XKR9: variants seen among roughly 807,000 people sequenced by gnomAD.
XKR9 encodes the protein XK-related protein 9.
XKR9 carries 32 observed loss-of-function variants against 32.0 expected under a neutral mutation model. The observed-to-expected ratio is 1.00, with a 90% confidence interval of 0.76 to 1.34. XKR9 has a LOEUF of 1.34. Among genes scored for constraint, XKR9 ranks in the 40% most tolerant of loss-of-function variants. XKR9 has a pLI of 0.00. For synonymous variants in XKR9, 168 were observed against 143.4 expected (o/e 1.17, Z -1.22); for missense variants, 546 against 429.7 (o/e 1.27, Z -2.39).
intron 3 of XKR9, among the ~76,000 whole-genome samples, chr8:70,692,495 C>T (rs926640401): frequency 1.3e-5 from 2 of 151,882 alleles, no homozygotes; most frequent in Non-Finnish European, 2.9e-5. Context: ...TTGTCTTGTA[C>T]GAGTTTTCAA....
chr8:70,793,838 A>G (rs1259212876), downstream of XKR9, among the ~76,000 whole-genome samples: 8 of 151,930 alleles, frequency 5.3e-5, no homozygotes, highest in Admixed American at 4.6e-4. Context: ...CCTGTTTTGG[A>G]ACTCCTATAA....
At chr8:70,709,761 A>G (rs1563439487) in intron 4 of XKR9, among the ~76,000 whole-genome samples, 1 of 152,192 alleles carries the variant, frequency 6.6e-6, no homozygotes, top group Non-Finnish European at 1.5e-5. Context: ...AAAGATCTGT[A>G]CAATGAGAAT....
the XKR9 span, among the ~76,000 whole-genome samples, chr8:70,958,184 T>G: frequency 6.6e-6 from 1 of 152,194 alleles, no homozygotes; most frequent in Admixed American, 6.5e-5. Context: ...AGCTTTGTAA[T>G]AGAATGATTT....
At chr8:70,874,190 T>A in the XKR9 span, among the ~76,000 whole-genome samples, 220 of 152,342 alleles carry the variant, frequency 1.4e-3, 1 homozygote, top group African/African-American at 5.1e-3. Context: ...ACTTACTTTA[T>A]TGTGATATTT....
chr8:70,953,721 T>G, the XKR9 span, among the ~76,000 whole-genome samples: 1 of 152,198 alleles, frequency 6.6e-6, no homozygotes, highest in Non-Finnish European at 1.5e-5. Context: ...GAGCCCTACC[T>G]CTTCTTCAAC....
chr8:70,736,546 C>T (rs1175133810), downstream of XKR9, among the ~76,000 whole-genome samples: 1 of 152,138 alleles, frequency 6.6e-6, no homozygotes, highest in Admixed American at 6.5e-5. Context: ...TGTGCCCATG[C>T]CTATGTCCTG....
the XKR9 span, among the ~76,000 whole-genome samples, chr8:70,857,007 C>T: frequency 6.6e-6 from 1 of 152,046 alleles, no homozygotes; most frequent in South Asian, 2.1e-4. Flanking sequence ...ACTAAATGCC[C>T]ACAAGAGAAA....
At chr8:70,784,431 A>G (rs1048721747) in intron 2 of XKR9, among the ~76,000 whole-genome samples, 4 of 151,804 alleles carry the variant, frequency 2.6e-5, no homozygotes, top group African/African-American at 2.4e-5. Flanking sequence ...CTCTTTAGTT[A>G]AATTTATTCC....
the XKR9 span, among the ~76,000 whole-genome samples, chr8:70,932,273 G>T: frequency 1.3e-5 from 2 of 152,074 alleles, no homozygotes; most frequent in Admixed American, 6.6e-5. Flanking sequence ...AATAAGGGCA[G>T]CAATGGAGAT....
At chr8:71,027,910 C>G in the XKR9 span, among the ~76,000 whole-genome samples, 1 of 151,874 alleles carries the variant, frequency 6.6e-6, no homozygotes, top group African/African-American at 2.4e-5. Context: ...GCTGGGACTA[C>G]AGGAGTGCAG....
intron 3 of XKR9, among the ~76,000 whole-genome samples, chr8:70,695,768 G>A (rs77934996): frequency 0.38 from 55,385 of 143,942 alleles, 12,105 homozygotes; most frequent in Non-Finnish European, 0.51. Flanking sequence ...CTTCCACAAT[G>A]GTTGAACTAG....
At chr8:70,852,409 G>A in the XKR9 span, among the ~76,000 whole-genome samples, 1 of 151,096 alleles carries the variant, frequency 6.6e-6, no homozygotes, top group Non-Finnish European at 1.5e-5. Flanking sequence ...AATACCTTTG[G>A]ATATATACCC....
rs1489470328 is a variant in XKR9 at position 70,754,785 on chromosome 8, T to A, written n.353-34554T>A. On this transcript the variant is annotated intron_variant and non_coding_transcript_variant, in intron 2 of 3. Coordinates refer to the XKR9 transcript ENST00000520273. Reference sequence around the variant, plus strand: ...ATTCAAGATGGATTAAAGACTTACATGTTAGACCTAAAACCATAAAAACCC... The same window carrying A: ...ATTCAAGATGGATTAAAGACTTACAAGTTAGACCTAAAACCATAAAAACCC... Among the ~76,000 whole-genome samples the A allele has an allele frequency of 5.3e-5, 8 of 151,962 alleles. No homozygotes were observed. In the South Asian group the frequency reaches 1.7e-3, roughly 32 times the overall value.
chr8:70,749,359 G>C (rs1056364147), intron 2 of XKR9, among the ~76,000 whole-genome samples: 1 of 152,188 alleles, frequency 6.6e-6, no homozygotes, highest in Non-Finnish European at 1.5e-5. Context: ...TAGACCTCAG[G>C]GCTCCCCAAG....
the XKR9 span, among the ~76,000 whole-genome samples, chr8:70,937,535 G>A: frequency 1.3e-5 from 2 of 152,036 alleles, no homozygotes; most frequent in South Asian, 4.1e-4. Flanking sequence ...ATTTTGATTT[G>A]TGTGATGTTG....
intron 3 of XKR9, among the ~76,000 whole-genome samples, chr8:70,695,530 G>A (rs1423152279): frequency 6.6e-6 from 1 of 151,920 alleles, no homozygotes; most frequent in African/African-American, 2.4e-5. Flanking sequence ...TGACTGCATA[G>A]TATTCCATGG....
At chr8:70,837,754 G>A in the XKR9 span, among the ~76,000 whole-genome samples, 2 of 152,070 alleles carry the variant, frequency 1.3e-5, no homozygotes, top group Non-Finnish European at 2.9e-5. Flanking sequence ...GGTAAATTGA[G>A]AGAGAAGCAG....
intron 2 of XKR9, among the ~76,000 whole-genome samples, chr8:70,745,780 A>G (rs1000621386): frequency 6.6e-6 from 1 of 152,218 alleles, no homozygotes; most frequent in Non-Finnish European, 1.5e-5. Flanking sequence ...TATTGCTACA[A>G]GCCAGGAGAA....
the XKR9 span, among the ~76,000 whole-genome samples, chr8:70,805,060 C>T: frequency 6.6e-6 from 1 of 152,160 alleles, no homozygotes; most frequent in Admixed American, 6.5e-5. Context: ...GCATGTAAAT[C>T]CTTCACTGGC....
Sources: gnomAD v4.1 joint callset for allele counts (sites outside exome capture counted in the v4.1 genomes callset) on GRCh38, gnomAD v4.1.1 for gene constraint, MANE v1.5 for transcripts, NCBI Gene and HGNC (gene_info 2026-07-23, HGNC 2026-07-21) for gene names.